The following PRRC2C variants were observed in gnomAD, a reference collection of about 807,000 sequenced individuals.
PRRC2C encodes proline rich coiled-coil 2C, also known as protein PRRC2C.
A neutral mutation model predicts 317.2 loss-of-function variants in PRRC2C; 72 were observed. That is an observed-to-expected ratio of 0.23 (90% CI 0.19 to 0.28). The LOEUF is 0.28. PRRC2C is among the 10% of genes least tolerant of loss of function. The probability of loss-of-function intolerance (pLI) is 1.00; values close to 1 mark genes in which losing one functional copy is unlikely to be tolerated. For missense variants in PRRC2C, 3,074 were observed against 3,459.7 expected (o/e 0.89, Z 2.80); for synonymous variants, 1,296 against 1,205.9 (o/e 1.07, Z -1.55).
At position 171,540,072 on chromosome 1, in the gene PRRC2C, G is replaced by A. The variant is rs372892362; in HGVS notation, c.2606G>A (p.Ser869Asn). 11 of 1,613,926 alleles carry A rather than the reference G, an allele frequency of 6.8e-6. No individual in the cohort carries two copies. In the African/African-American group the frequency reaches 1.3e-4, roughly 20 times the overall value. ...HPKADFIRES[S>N]EAQVQKFLSR... ...AAGGCAGACTTTATCAGAGAATCAA[G>A]TGAGGCACAAGTACAAAAGTTTTTA... The change falls in exon 16 of 35, where the codon AGT becomes AAT. Residue 869 changes from serine to asparagine, a missense_variant. Physicochemically the swap from Ser to Asn is conservative, Grantham distance 46. Coordinates refer to ENST00000647382, the MANE Select transcript of PRRC2C (RefSeq NM_001387844.1).
chr1:171,523,988 A>G (rs972928869), intron 9 of PRRC2C, among the ~76,000 whole-genome samples: 2 of 151,960 alleles, frequency 1.3e-5, no homozygotes, highest in Non-Finnish European at 2.9e-5. Flanking sequence ...GTGAGCCAAG[A>G]TCATGCCACT....
chr1:171,495,219 T>C (rs775473809), intron 1 of PRRC2C, among the ~76,000 whole-genome samples: 1 of 152,242 alleles, frequency 6.6e-6, no homozygotes. Flanking sequence ...AGCAGTATTG[T>C]CACACTACTA....
rs1179058017 is a variant in PRRC2C at position 171,549,984 on chromosome 1, G to C, written c.4973-102G>C. On this transcript the variant is annotated intron_variant, in intron 17 of 34. Coordinates refer to ENST00000647382, the MANE Select transcript of PRRC2C (RefSeq NM_001387844.1). ...TATAAGTTATAGGAACTAGGCCTTT[G>C]GCTAGTTTTTTTTTTTTTTTTAAGT... The C allele has an allele frequency of 1.6e-5, 13 of 820,418 alleles. No individual in the cohort carries two copies. The Admixed American group carries it at 5.1e-4, about 32-fold the overall frequency. 50.8% of individuals were successfully genotyped at this position (820,418 alleles called of 1,614,324 possible). A position where few individuals can be genotyped will look rare whatever the true frequency, so the allele number is the denominator to read the frequency against.
chr1:171,578,685 T>C (rs2102817228), intron 26 of PRRC2C, among the ~76,000 whole-genome samples: 1 of 152,276 alleles, frequency 6.6e-6, no homozygotes, highest in Non-Finnish European at 1.5e-5. Flanking sequence ...CTGGCCAACA[T>C]GGTGAAACCA....
chr1:171,500,747 C>G (rs1431368937), intron 1 of PRRC2C, among the ~76,000 whole-genome samples: 1 of 152,120 alleles, frequency 6.6e-6, no homozygotes, highest in Non-Finnish European at 1.5e-5. Flanking sequence ...TCTTTTAGAC[C>G]TTTTGGAAAC....
chr1:171,494,403 T>G (rs1296912414), intron 1 of PRRC2C, among the ~76,000 whole-genome samples: 1 of 152,204 alleles, frequency 6.6e-6, no homozygotes, highest in East Asian at 1.9e-4. Flanking sequence ...GAACTGCTAT[T>G]TGTAGTAAAA....
At chr1:171,544,524 C>T (rs1488593866) in intron 16 of PRRC2C, among the ~76,000 whole-genome samples, 1 of 151,994 alleles carries the variant, frequency 6.6e-6, no homozygotes, top group African/African-American at 2.4e-5. Flanking sequence ...TTGAACATTC[C>T]CTTAAAATTC....
intron 23 of PRRC2C, among the ~76,000 whole-genome samples, chr1:171,571,054 G>T (rs1018360446): frequency 1.3e-5 from 2 of 152,130 alleles, no homozygotes; most frequent in Non-Finnish European, 1.5e-5. Context: ...TGCCTTCTGA[G>T]TATACACCTT....
chr1:171,590,021 C>G (rs1451977012), intron 34 of PRRC2C, among the ~76,000 whole-genome samples: 2 of 149,622 alleles, frequency 1.3e-5, no homozygotes, highest in African/African-American at 2.5e-5. Context: ...TTCTTCCCCC[C>G]TTTCCCCTGA....
intron 10 of PRRC2C, among the ~76,000 whole-genome samples, chr1:171,527,144 C>G (rs556009563): frequency 6.8e-6 from 1 of 147,256 alleles, no homozygotes; most frequent in South Asian, 2.2e-4. Context: ...TTTTTCTTTC[C>G]TTTTTTGAGA....
chr1:171,557,632 A>T lies in PRRC2C; in HGVS notation c.5520A>T (p.Pro1840=). Residue 1840 remains proline, a synonymous_variant, in exon 19 of 35, where the codon CCA becomes CCT. Transcript: ENST00000647382. The part of the protein sequence containing the change: ...ITSSSAPASA[P]APTPILASVS... Reference sequence around the variant, plus strand: ...CTTCTTCAGCTCCAGCCTCAGCCCCAGCTCCAACCCCCATCCTTGCCTCAG... The same window carrying T: ...CTTCTTCAGCTCCAGCCTCAGCCCCTGCTCCAACCCCCATCCTTGCCTCAG... 1 of 1,551,350 alleles carries T rather than the reference A, an allele frequency of 6.4e-7. No homozygotes were observed. The highest frequency in any genetic ancestry group is 1.7e-4 in the Middle Eastern group (1 of 5,990).
intron 12 of PRRC2C, 134 bp downstream of exon 12, chr1:171,533,095 A>G (rs1173523572): frequency 1.4e-5 from 13 of 903,512 alleles, no homozygotes; most frequent in Non-Finnish European, 2.0e-5. Context: ...TTTGCAGTAC[A>G]AAATATGGGC....
Position 171,512,979 on chromosome 1 carries a change from T to G in PRRC2C, c.113-16T>G, listed in dbSNP as rs778969378. On this transcript the variant is annotated splice_polypyrimidine_tract_variant and intron_variant, in intron 2 of 34. Coordinates refer to ENST00000647382, the MANE Select transcript of PRRC2C (RefSeq NM_001387844.1). ...AAAATAGATGTTCTAAGAAAGTTGA[T>G]GTTATTGATCTTTAGTTGCAGCTCG... 1 of 1,586,004 alleles carries G rather than the reference T, an allele frequency of 6.3e-7. No individual in the cohort carries two copies. The highest frequency in any genetic ancestry group is 1.8e-5 in the Admixed American group (1 of 54,442).
intron 18 of PRRC2C, among the ~76,000 whole-genome samples, chr1:171,554,311 A>G (rs1465936855): frequency 6.6e-6 from 1 of 151,646 alleles, no homozygotes; most frequent in Non-Finnish European, 1.5e-5. Flanking sequence ...TTTGTTTTCC[A>G]TTTGCTTAGT....
intron 19 of PRRC2C, among the ~76,000 whole-genome samples, chr1:171,558,939 C>G (rs574625361): frequency 6.6e-6 from 1 of 152,340 alleles, no homozygotes; most frequent in Non-Finnish European, 1.5e-5. Flanking sequence ...GTAAAACAGT[C>G]TTATTGCTGA....
chr1:171,574,880 C>T (rs903101951), intron 24 of PRRC2C, 47 bp from the exon 25 acceptor site: 1 of 1,517,292 alleles, frequency 6.6e-7, no homozygotes, highest in Non-Finnish European at 9.1e-7. Flanking sequence ...TACGTATATT[C>T]TGTATTAACA....
chr1:171,525,754 A>G lies in PRRC2C; in HGVS notation c.1200+789A>G, dbSNP rs373860117. Among the ~76,000 whole-genome samples the G allele has an allele frequency of 2.2e-4, 34 of 152,342 alleles. 1 individual carries two copies. In the South Asian group the frequency reaches 3.3e-3, roughly 15 times the overall value. ...CTGCAGAAGACTAAGTACTTGAGCT[A>G]ATTCTTAAACAAGCATGATTTAGGC... On this transcript the variant is annotated intron_variant, in intron 10 of 34. Coordinates refer to ENST00000647382, the MANE Select transcript of PRRC2C (RefSeq NM_001387844.1).
At chr1:171,514,793 T>C in intron 4 of PRRC2C, 148 bp downstream of exon 4, 1 of 687,728 alleles carries the variant, frequency 1.5e-6, no homozygotes, top group South Asian at 2.2e-5. Context: ...TTTTAAAAAA[T>C]CTCTTGGGCT....
At chr1:171,554,487 T>C (rs1175400074) in intron 18 of PRRC2C, among the ~76,000 whole-genome samples, 2 of 152,230 alleles carry the variant, frequency 1.3e-5, no homozygotes, top group African/African-American at 2.4e-5. Context: ...AATATTGTTA[T>C]GTGTGAATTT....
Sources: allele counts gnomAD v4.1 joint callset (sites outside exome capture counted in the v4.1 genomes callset), GRCh38; gene constraint gnomAD v4.1.1; transcripts MANE v1.5; gene names NCBI Gene and HGNC (gene_info 2026-07-23, HGNC 2026-07-21).